CCDC85A: variants seen among roughly 807,000 people sequenced by gnomAD.
CCDC85A encodes coiled-coil domain-containing protein 85A.
Under a neutral mutation model 50.2 loss-of-function variants are expected in CCDC85A, and 38 were observed. That is an observed-to-expected ratio of 0.76 (90% confidence interval 0.58 to 0.99). The LOEUF is 0.99. Among genes scored for constraint, CCDC85A ranks in the 50% least tolerant of loss-of-function variants. The pLI, the probability that CCDC85A is intolerant of heterozygous loss-of-function variation, is 0.00. For synonymous variants in CCDC85A, 366 were observed against 301.4 expected (o/e 1.21, Z -2.22); for missense variants, 820 against 742.0 (o/e 1.11, Z -1.22).
At chr2:56,362,058 T>C (rs766107424) in intron 3 of CCDC85A, among the ~76,000 whole-genome samples, 1 of 152,062 alleles carries the variant, frequency 6.6e-6, no homozygotes, top group Non-Finnish European at 1.5e-5. Flanking sequence ...GAATGTGGAC[T>C]GTAAAGGAAA....
rs1030489199 is a variant in CCDC85A at position 56,192,118 on chromosome 2, C to T, written c.277-359C>T. Among the ~76,000 whole-genome samples, 17 of 152,090 alleles carry T rather than the reference C, an allele frequency of 1.1e-4. No individual in the cohort carries two copies. The highest frequency in any genetic ancestry group is 4.1e-4 in the African/African-American group (17 of 41,402). Reference sequence around the variant, plus strand: ...GTATAAGAGCCATAATAATTATTATCCCCTAAATGTTTGGGTAAAAATTGG... The same window carrying T: ...GTATAAGAGCCATAATAATTATTATTCCCTAAATGTTTGGGTAAAAATTGG... On this transcript the variant is annotated intron_variant, in intron 1 of 5. Coordinates refer to ENST00000407595, the MANE Select transcript of CCDC85A (RefSeq NM_001080433.2). The surrounding 1 kb of genome is among the most constrained non-coding windows in gnomAD (Gnocchi z 4.7).
intron 2 of CCDC85A, among the ~76,000 whole-genome samples, chr2:56,226,924 A>G (rs1345201227): frequency 2.0e-5 from 3 of 152,144 alleles, no homozygotes; most frequent in East Asian, 1.9e-4. Context: ...TTCTAGAAAT[A>G]CTGAGAGGGG....
intron 2 of CCDC85A, among the ~76,000 whole-genome samples, chr2:56,291,683 A>G (rs1368131501): frequency 2.6e-5 from 4 of 151,924 alleles, no homozygotes; most frequent in African/African-American, 9.7e-5. Flanking sequence ...AGGGACACAT[A>G]GCATGAAAGG....
chr2:56,286,281 T>A (rs2104123687), intron 2 of CCDC85A, among the ~76,000 whole-genome samples: 1 of 152,320 alleles, frequency 6.6e-6, no homozygotes, highest in African/African-American at 2.4e-5. Context: ...TGGAAAATAT[T>A]CAGCTAGTAT....
At chr2:56,300,127 C>T (rs762620305) in intron 2 of CCDC85A, among the ~76,000 whole-genome samples, 7 of 152,066 alleles carry the variant, frequency 4.6e-5, no homozygotes, top group Non-Finnish European at 7.4e-5. Flanking sequence ...ACTGAGATTC[C>T]CAAACCTAGA....
intron 5 of CCDC85A, among the ~76,000 whole-genome samples, chr2:56,378,015 G>T (rs1490736686): frequency 2.0e-5 from 3 of 152,126 alleles, no homozygotes; most frequent in Non-Finnish European, 4.4e-5. Flanking sequence ...TTAGAAAACT[G>T]GGGACCCTTG....
Position 56,370,796 on chromosome 2 carries a change from A to G in CCDC85A, c.1318-1548A>G, listed in dbSNP as rs374992239. ...AGGAATTGGGATTTAGCCTTGCTAC[A>G]CATTAAGAAAGAATGAAAGTAGAAT... On this transcript the variant is annotated intron_variant, in intron 3 of 5. Coordinates refer to ENST00000407595, the MANE Select transcript of CCDC85A (RefSeq NM_001080433.2). Among the ~76,000 whole-genome samples the G allele has an allele frequency of 2.6e-4, 39 of 152,258 alleles. No individual in the cohort carries two copies. In the South Asian group the frequency reaches 7.9e-3, roughly 31 times the overall value.
intron 2 of CCDC85A, among the ~76,000 whole-genome samples, chr2:56,318,091 A>T (rs1030330099): frequency 1.3e-5 from 2 of 152,118 alleles, no homozygotes; most frequent in Non-Finnish European, 2.9e-5. Context: ...TCCTACAGAG[A>T]CTTAATAGAA....
chr2:56,210,797 G>C (rs1677153423), intron 2 of CCDC85A, among the ~76,000 whole-genome samples: 1 of 151,958 alleles, frequency 6.6e-6, no homozygotes, highest in African/African-American at 2.4e-5. Flanking sequence ...GCAGAACAAG[G>C]CAAAAGCCAC....
chr2:56,333,965 C>T (rs1404161716), intron 2 of CCDC85A, among the ~76,000 whole-genome samples: 1 of 152,176 alleles, frequency 6.6e-6, no homozygotes, highest in East Asian at 1.9e-4. Flanking sequence ...TATGGGTCTT[C>T]CCAGCCAGTG....
intron 5 of CCDC85A, among the ~76,000 whole-genome samples, chr2:56,377,373 A>T (rs1676383354): frequency 1.3e-5 from 2 of 152,194 alleles, no homozygotes; most frequent in African/African-American, 4.8e-5. Flanking sequence ...TGGACCAGAG[A>T]TTGGCTTCAA....
chr2:56,191,758 G>A (rs1434081371), intron 1 of CCDC85A, among the ~76,000 whole-genome samples: 1 of 152,218 alleles, frequency 6.6e-6, no homozygotes, highest in African/African-American at 2.4e-5. Context: ...AGATGTTCAG[G>A]TGGGTGTGGC....
chr2:56,244,144 C>G (rs1334692212), intron 2 of CCDC85A, among the ~76,000 whole-genome samples: 1 of 152,176 alleles, frequency 6.6e-6, no homozygotes, highest in African/African-American at 2.4e-5. Context: ...ACTCTTGTGT[C>G]TTTCCCTTTA....
chr2:56,189,295 G>GTTTTTTTTTT (rs773078371), intron 1 of CCDC85A, among the ~76,000 whole-genome samples: 3 of 100,466 alleles, frequency 3.0e-5, no homozygotes, highest in African/African-American at 4.5e-5. Context: ...GGTATTTTTG[G>GTTTTTTTTTT]TGTTTTTTTT....
At chr2:56,255,650 CA>C (rs1669951866) in intron 2 of CCDC85A, among the ~76,000 whole-genome samples, 1 of 152,064 alleles carries the variant, frequency 6.6e-6, no homozygotes, top group Non-Finnish European at 1.5e-5. Context: ...AGAATAAGAC[CA>C]GGTCATTGGG....
intron 2 of CCDC85A, among the ~76,000 whole-genome samples, chr2:56,329,325 G>A (rs1333620513): frequency 2.0e-5 from 3 of 152,166 alleles, no homozygotes; most frequent in East Asian, 3.9e-4. Context: ...ACAGGGCAGT[G>A]GTGTGCTTAT....
At position 56,208,650 on chromosome 2, in the gene CCDC85A, C is replaced by G. The variant is rs73940621; in HGVS notation, c.1240+15210C>G. Reference sequence around the variant, plus strand: ...ACCCAGGTTGATTCAGAGAGAGAAGCTTTCACAGTGATTTTATAGGCTTCA... The same window carrying G: ...ACCCAGGTTGATTCAGAGAGAGAAGGTTTCACAGTGATTTTATAGGCTTCA... On this transcript the variant is annotated intron_variant, in intron 2 of 5. Transcript: ENST00000407595. Among the ~76,000 whole-genome samples, 648 of 152,116 alleles carry G rather than the reference C, an allele frequency of 4.3e-3. 6 individuals carry two copies. The highest frequency in any genetic ancestry group is 0.015 in the African/African-American group (628 of 41,494).
chr2:56,214,354 G>A (rs1346769598), intron 2 of CCDC85A, among the ~76,000 whole-genome samples: 2 of 151,936 alleles, frequency 1.3e-5, no homozygotes, highest in African/African-American at 4.8e-5. Context: ...TGCACAGTAA[G>A]TGCTGCATAA....
At chr2:56,225,444 C>T (rs1214578845) in intron 2 of CCDC85A, among the ~76,000 whole-genome samples, 1 of 152,066 alleles carries the variant, frequency 6.6e-6, no homozygotes, top group African/African-American at 2.4e-5. Context: ...AATTATTAAC[C>T]ATAAATGTCG....
Sources: allele counts gnomAD v4.1 joint callset (sites outside exome capture counted in the v4.1 genomes callset), GRCh38; gene constraint gnomAD v4.1.1; non-coding constraint Gnocchi (gnomAD v3.1); transcripts MANE v1.5; gene names NCBI Gene and HGNC (gene_info 2026-07-23, HGNC 2026-07-21).